HERC1: variants seen among roughly 807,000 people sequenced by gnomAD.
The protein encoded by HERC1 is HECT and RLD domain containing E3 ubiquitin protein ligase family member 1.
HERC1 carries 160 observed loss-of-function variants against 554.3 expected under a neutral mutation model. The observed-to-expected ratio is 0.29, with a 90% confidence interval of 0.25 to 0.33. The LOEUF (loss-of-function observed/expected upper bound fraction) is 0.33, where lower values mean the gene tolerates loss of function less well. HERC1 is among the 10% of genes least tolerant of loss of function. The pLI is 1.00. For missense variants in HERC1, 4,919 were observed against 5,918.5 expected (o/e 0.83, Z 5.54); for synonymous variants, 2,175 against 2,131.7 (o/e 1.02, Z -0.56).
chr15:63,802,271 C>T (rs1648212279), intron 1 of HERC1, among the ~76,000 whole-genome samples: 1 of 152,118 alleles, frequency 6.6e-6, no homozygotes, highest in Admixed American at 6.5e-5. Flanking sequence ...AATTGAACTC[C>T]TGCTAAAAAA....
intron 1 of HERC1, among the ~76,000 whole-genome samples, chr15:63,809,815 G>C (rs531494210): frequency 6.7e-5 from 10 of 149,042 alleles, no homozygotes; most frequent in African/African-American, 2.0e-4. Context: ...AGTAATAAAA[G>C]CAATGAAAAG....
intron 1 of HERC1, among the ~76,000 whole-genome samples, chr15:63,806,189 A>G (rs2077133778): frequency 6.6e-6 from 1 of 150,754 alleles, no homozygotes; most frequent in Non-Finnish European, 1.5e-5. Context: ...TCTTTGAGAT[A>G]GGGTCTTGCT....
intron 12 of HERC1, among the ~76,000 whole-genome samples, chr15:63,741,534 C>T (rs908708795): frequency 3.9e-5 from 6 of 152,108 alleles, no homozygotes; most frequent in South Asian, 2.1e-4. Flanking sequence ...GTCTTGAACT[C>T]GACTTCAGGT....
intron 19 of HERC1, among the ~76,000 whole-genome samples, chr15:63,720,851 G>A (rs1288183260): frequency 6.6e-6 from 1 of 152,184 alleles, no homozygotes; most frequent in East Asian, 1.9e-4. Flanking sequence ...AATTTAGCAG[G>A]TATTACTCTC....
chr15:63,626,678 G>C (rs989939341), intron 70 of HERC1, among the ~76,000 whole-genome samples: 3 of 152,188 alleles, frequency 2.0e-5, no homozygotes, highest in African/African-American at 7.2e-5. Context: ...TAAGAGTTCT[G>C]TAAGAAGCAA....
At chr15:63,691,010 A>G (rs2072073638) in intron 31 of HERC1, among the ~76,000 whole-genome samples, 1 of 152,228 alleles carries the variant, frequency 6.6e-6, no homozygotes, top group Admixed American at 6.5e-5. Context: ...ATGTAACTTG[A>G]CCAAAGCCAC....
At chr15:63,793,087 G>T (rs934363119) in intron 1 of HERC1, among the ~76,000 whole-genome samples, 1 of 152,246 alleles carries the variant, frequency 6.6e-6, no homozygotes, top group Non-Finnish European at 1.5e-5. Context: ...GGGGCCCAGG[G>T]CTTTCACGCC....
Position 63,612,624 on chromosome 15 carries a change from G to T in HERC1, c.14095-68C>A. On this transcript the variant is annotated intron_variant, in intron 76 of 77. Coordinates refer to ENST00000443617, the MANE Select transcript of HERC1 (RefSeq NM_003922.4). This position sits in a 1 kb window ranked among gnomAD's most constrained non-coding sequence, Gnocchi z 5.0. Reference sequence around the variant, plus strand: ...CCTGGCACCCACCAAGGGCCCTGTGGGGCTAGGCGCCTCCTGATGCCTGCT... The same window carrying T: ...CCTGGCACCCACCAAGGGCCCTGTGTGGCTAGGCGCCTCCTGATGCCTGCT... The T allele has an allele frequency of 6.7e-7, 1 of 1,499,180 alleles. No individual in the cohort carries two copies. The highest frequency in any genetic ancestry group is 9.1e-7 in the Non-Finnish European group (1 of 1,104,672). 92.9% of individuals were successfully genotyped at this position (1,499,180 alleles called of 1,614,324 possible). A position where few individuals can be genotyped will look rare whatever the true frequency, so the allele number is the denominator to read the frequency against.
At chr15:63,754,155 C>T (rs2075344399) in intron 7 of HERC1, among the ~76,000 whole-genome samples, 4 of 144,642 alleles carry the variant, frequency 2.8e-5, no homozygotes, top group African/African-American at 1.0e-4. Context: ...GCCTGGGTAA[C>T]AAAGCAAGAC....
intron 2 of HERC1, among the ~76,000 whole-genome samples, chr15:63,770,527 C>T (rs1201130749): frequency 1.3e-5 from 2 of 152,080 alleles, no homozygotes; most frequent in African/African-American, 2.4e-5. Flanking sequence ...AGGTGAATGG[C>T]GTACATATGG....
chr15:63,761,212 G>A lies in HERC1; in HGVS notation c.1027-2843C>T, dbSNP rs142986860. Reference sequence around the variant, plus strand: ...GACCCTCAAACTATCAAAAAGAATAGACACTGACACAGAGACTAGTATTGA... The same window carrying A: ...GACCCTCAAACTATCAAAAAGAATAAACACTGACACAGAGACTAGTATTGA... On this transcript the variant is annotated intron_variant, in intron 3 of 77. Transcript: ENST00000443617. Among the ~76,000 whole-genome samples, 48 of 152,210 alleles carry A rather than the reference G, an allele frequency of 3.2e-4. No homozygotes were observed. In the Middle Eastern group the frequency reaches 0.01, roughly 32 times the overall value.
At position 63,729,180 on chromosome 15, in the gene HERC1, C is replaced by A. The variant is rs2140912859; in HGVS notation, c.3154+56G>T. ...TGGCTCTCTTAAGACTTTGGAAAGCCAAGTGTTCTTACTTCTTAATGACTG... is the reference window on the plus strand; with the variant it reads ...TGGCTCTCTTAAGACTTTGGAAAGCAAAGTGTTCTTACTTCTTAATGACTG... On this transcript the variant is annotated intron_variant, in intron 16 of 77. Coordinates refer to ENST00000443617, the MANE Select transcript of HERC1 (RefSeq NM_003922.4). 2.7e-6 allele frequency: 4 copies of A among 1,486,804 alleles called. No individual in the cohort carries two copies. In the East Asian group the frequency reaches 6.9e-5, roughly 26 times the overall value. The allele number at this position is 1,486,804 out of a possible 1,614,324, so 92.1% of individuals were successfully genotyped here.
chr15:63,687,038 A>C (rs2071799379), intron 33 of HERC1, among the ~76,000 whole-genome samples: 1 of 152,230 alleles, frequency 6.6e-6, no homozygotes, highest in Admixed American at 6.5e-5. Context: ...ACAAGTCTAG[A>C]AAGAGAAGAA....
chr15:63,813,349 CAA>C (rs1475931163), intron 1 of HERC1, among the ~76,000 whole-genome samples: 2 of 137,838 alleles, frequency 1.5e-5, no homozygotes, highest in Non-Finnish European at 3.2e-5. Flanking sequence ...CACACACACA[CAA>C]ACTCGTAAGT....
intron 24 of HERC1, among the ~76,000 whole-genome samples, chr15:63,707,430 G>T (rs961758251): frequency 4.6e-5 from 7 of 152,228 alleles, no homozygotes; most frequent in Admixed American, 6.5e-5. Flanking sequence ...AGGCTTACAA[G>T]AAGAATGGAA....
intron 27 of HERC1, among the ~76,000 whole-genome samples, chr15:63,695,743 AC>A (rs1199724028): frequency 6.7e-6 from 1 of 149,774 alleles, no homozygotes; most frequent in Admixed American, 6.6e-5. Flanking sequence ...AATATGAAAG[AC>A]ATAAAGATAA....
intron 60 of HERC1, among the ~76,000 whole-genome samples, chr15:63,640,915 C>T (rs140524377): frequency 6.6e-5 from 10 of 152,292 alleles, no homozygotes; most frequent in Middle Eastern, 3.4e-3. Context: ...ATCCTGGTAG[C>T]CATCAAAGGA....
Position 63,758,334 on chromosome 15 carries a change from A to G in HERC1, c.1062T>C (p.Cys354=), listed in dbSNP as rs771400721. The G allele has an allele frequency of 2.5e-6, 4 of 1,600,944 alleles. No homozygotes were observed. In the East Asian group the frequency reaches 6.7e-5, roughly 27 times the overall value. ...CRMASDYSRT[C]ASPDSIQTGD... ...CAGTCTGAATGCTATCTGGGCTAGC[A>G]CATGTTCTCGAATAATCAGAAGCCA... Residue 354 remains cysteine (C), a synonymous_variant, in exon 4 of 78, where the codon TGT becomes TGC. Transcript: ENST00000443617. This position sits in a 1 kb window ranked among gnomAD's most constrained non-coding sequence, Gnocchi z 4.0.
intron 7 of HERC1, 21 bp downstream of exon 7, chr15:63,754,484 G>C: frequency 6.5e-7 from 1 of 1,547,528 alleles, no homozygotes; most frequent in Non-Finnish European, 8.7e-7. Context: ...CAAAGCTACT[G>C]ATAAATAATT....
Sources: gnomAD v4.1 joint callset for allele counts (sites outside exome capture counted in the v4.1 genomes callset) on GRCh38, gnomAD v4.1.1 for gene constraint, Gnocchi (gnomAD v3.1) non-coding constraint, MANE v1.5 for transcripts, NCBI Gene and HGNC (gene_info 2026-07-23, HGNC 2026-07-21) for gene names.